DOCK8: variants seen among roughly 807,000 people sequenced by gnomAD.
DOCK8 encodes dedicator of cytokinesis 8, also known as dedicator of cytokinesis protein 8.
Under a neutral mutation model 245.6 loss-of-function variants are expected in DOCK8, and 141 were observed. The ratio of observed to expected loss-of-function variants is 0.57; its 90% CI spans 0.50 to 0.66. The LOEUF (loss-of-function observed/expected upper bound fraction) is 0.66, where lower values mean the gene tolerates loss of function less well. DOCK8 is among the 30% of genes least tolerant of loss of function. The pLI, the probability that DOCK8 is intolerant of heterozygous loss-of-function variation, is 0.00. For missense variants in DOCK8, 2,965 were observed against 2,603.4 expected (o/e 1.14, Z -3.02); for synonymous variants, 1,168 against 970.2 (o/e 1.20, Z -3.79).
At chr9:288,388 C>A (rs983013209) in intron 3 of DOCK8, among the ~76,000 whole-genome samples, 1 of 152,158 alleles carries the variant, frequency 6.6e-6, no homozygotes, top group Non-Finnish European at 1.5e-5. Flanking sequence ...TGCTCCACCA[C>A]TTGCTGTGTG....
At chr9:275,604 T>C (rs2048312814) in intron 2 of DOCK8, among the ~76,000 whole-genome samples, 1 of 152,232 alleles carries the variant, frequency 6.6e-6, no homozygotes, top group African/African-American at 2.4e-5. Flanking sequence ...TAATGTATTT[T>C]TTGAGATGGA....
chr9:256,050 A>G (rs1225110741), intron 1 of DOCK8, among the ~76,000 whole-genome samples: 1 of 152,232 alleles, frequency 6.6e-6, no homozygotes, highest in African/African-American at 2.4e-5. Context: ...TTACTTCTGC[A>G]TCTATCACAC....
rs112700200 is a variant in DOCK8, at chr9:333,481, T to G, written c.1126-744T>G. Among the ~76,000 whole-genome samples the G allele has an allele frequency of 2.2e-3, 329 of 152,108 alleles. 2 individuals are homozygous for G. Among genetic ancestry groups the G allele is most frequent in the East Asian group, 0.017 (86 of 5,170 alleles). On this transcript the variant is annotated intron_variant, in intron 10 of 47. Transcript: ENST00000432829. ...CCGGGCATGGTGGCACGTGCCTGTA[T>G]TCCCAGCTTCTCAGGAGGCTGAGGC... is the stretch of plus-strand genomic sequence containing the variant.
chr9:450,103 TC>T (rs2057381112), intron 45 of DOCK8, among the ~76,000 whole-genome samples, 176 bp downstream of exon 45: 1 of 152,300 alleles, frequency 6.6e-6, no homozygotes, highest in South Asian at 2.1e-4. Context: ...GGAAACCTCT[TC>T]CCTTTCATGT....
intron 4 of DOCK8, 29 bp downstream of exon 4, chr9:289,610 TATAA>T: frequency 9.6e-6 from 15 of 1,559,634 alleles, no homozygotes; most frequent in Non-Finnish European, 1.2e-5. Context: ...ACTTTTTGTA[TATAA>T]ATATTAATTT....
intron 46 of DOCK8, among the ~76,000 whole-genome samples, chr9:462,547 A>C (rs2057838729): frequency 6.6e-6 from 1 of 152,168 alleles, no homozygotes. Context: ...AGGCCACATC[A>C]CTAATCTTGT....
intron 2 of DOCK8, among the ~76,000 whole-genome samples, chr9:278,785 G>C (rs770972164): frequency 1.8e-4 from 27 of 152,222 alleles, no homozygotes; most frequent in Non-Finnish European, 2.5e-4. Flanking sequence ...CCTGAACAGA[G>C]TGGGCAGTAG....
Position 328,123 on chromosome 9 carries a change from A to C in DOCK8, c.996A>C (p.Ala332=), listed in dbSNP as rs749719084. 6.2e-7 allele frequency: 1 copy of C among 1,614,086 alleles called. No individual in the cohort carries two copies. The highest frequency in any genetic ancestry group is 8.5e-7 in the Non-Finnish European group (1 of 1,180,030). ...SVAASSQARS[A]VFSVTYPSSD... ...CCGCATCAAGTCAGGCGAGATCTGC[A>C]GTCTTCTCAGTCACCTACCCGTCCT... Residue 332 remains alanine, a synonymous_variant, in exon 9 of 48, where the codon GCA becomes GCC. Coordinates refer to ENST00000432829, the MANE Select transcript of DOCK8 (RefSeq NM_203447.4).
At chr9:427,784 T>G (rs2056554771) in intron 34 of DOCK8, among the ~76,000 whole-genome samples, 1 of 152,258 alleles carries the variant, frequency 6.6e-6, no homozygotes, top group South Asian at 2.1e-4. Flanking sequence ...ATATTTTTGT[T>G]GACTTTAATA....
chr9:294,235 C>T (rs2049164265), intron 4 of DOCK8, among the ~76,000 whole-genome samples: 1 of 152,164 alleles, frequency 6.6e-6, no homozygotes, highest in South Asian at 2.1e-4. Context: ...TTCATAATTG[C>T]AAATAATACT....
In DOCK8 at chr9:420,983, T is replaced by C; in HGVS notation, c.4058T>C (p.Val1353Ala). 3 of 1,614,138 alleles carry C rather than the reference T, an allele frequency of 1.9e-6. No individual in the cohort carries two copies. The highest frequency in any genetic ancestry group is 2.5e-6 in the Non-Finnish European group (3 of 1,180,032). The change falls in exon 32 of 48, where the codon GTC becomes GCC. Residue 1353 changes from valine to alanine, a missense_variant. This residue lies in a region of DOCK8 where 2,825 missense variants were observed against 2,453.5 expected (regional missense o/e 1.15). Coordinates refer to ENST00000432829, the MANE Select transcript of DOCK8 (RefSeq NM_203447.4). ...KQSSDKVSTQ[V>A]LQKSRDVKAR... ...AGTTCTGACAAAGTCAGTACCCAAG[T>C]CCTGCAGAAGTCAAGGGATGTCAAG...
At chr9:424,864 AC>A (rs1271681431) in intron 33 of DOCK8, among the ~76,000 whole-genome samples, 2 of 152,220 alleles carry the variant, frequency 1.3e-5, no homozygotes, top group African/African-American at 4.8e-5. Context: ...TTGGGAAAAA[AC>A]AGATTAGGAC....
At chr9:413,428 CTT>C (rs57891184) in intron 28 of DOCK8, among the ~76,000 whole-genome samples, 51,738 of 151,758 alleles carry the variant, frequency 0.34, 9,184 homozygotes, top group East Asian at 0.52. Flanking sequence ...AAAATTAAAA[CTT>C]TTGTGATTTA....
At chr9:447,790 A>G (rs1185371377) in intron 44 of DOCK8, among the ~76,000 whole-genome samples, 6 of 152,222 alleles carry the variant, frequency 3.9e-5, no homozygotes, top group Non-Finnish European at 7.3e-5. Context: ...AGCTGAGCTA[A>G]CTGGAGAGTC....
upstream of DOCK8, among the ~76,000 whole-genome samples, chr9:211,964 T>G (rs1414363274): frequency 1.3e-5 from 2 of 152,106 alleles, no homozygotes; most frequent in Non-Finnish European, 2.9e-5. Flanking sequence ...AGAATTTTAG[T>G]TTTATACTGG....
intron 1 of DOCK8, among the ~76,000 whole-genome samples, chr9:254,389 C>A (rs1462377768): frequency 6.6e-6 from 1 of 152,186 alleles, no homozygotes; most frequent in Non-Finnish European, 1.5e-5. Context: ...GAGTGTGTGC[C>A]TTCTGAAGCG....
rs776468911 is a variant in DOCK8, at chr9:286,568, TGAC to T, written c.268_270del (p.Asp90del). 30 of 1,613,872 alleles carry T rather than the reference TGAC, an allele frequency of 1.9e-5. No individual in the cohort carries two copies. The African/African-American group carries it at 4.0e-4, about 22-fold the overall frequency. On this transcript the variant is annotated inframe_deletion, in exon 3 of 48. Transcript: ENST00000432829. ...CCCAGGAGCTCGGGGACTTCACTGA[TGAC>T]GACTTGGACGTGGTGTTCACGCCAA...
chr9:358,831 A>G (rs1332543612), intron 14 of DOCK8, among the ~76,000 whole-genome samples: 1 of 152,222 alleles, frequency 6.6e-6, no homozygotes, highest in Non-Finnish European at 1.5e-5. Context: ...CCTGGGTGAC[A>G]GAGGGAGACT....
chr9:389,846 C>T (rs989724212), intron 23 of DOCK8, among the ~76,000 whole-genome samples: 1 of 150,874 alleles, frequency 6.6e-6, no homozygotes, highest in Non-Finnish European at 1.5e-5. Flanking sequence ...GAAACCCCAT[C>T]TCTACCAAAA....
Sources: gnomAD v4.1 joint callset for allele counts (sites outside exome capture counted in the v4.1 genomes callset) on GRCh38, gnomAD v4.1.1 for gene constraint, gnomAD v4.1.1 regional missense constraint, MANE v1.5 for transcripts, NCBI Gene and HGNC (gene_info 2026-07-23, HGNC 2026-07-21) for gene names.